The following ZBTB7B variants were observed in gnomAD, a reference collection of about 807,000 sequenced individuals.
The protein encoded by ZBTB7B is zinc finger and BTB domain containing 7B.
A neutral mutation model predicts 31.0 loss-of-function variants in ZBTB7B; 8 were observed. The observed-to-expected ratio is 0.26, with a 90% confidence interval of 0.15 to 0.47. The LOEUF is 0.47. ZBTB7B is among the 20% of genes least tolerant of loss of function. ZBTB7B has a pLI of 0.99. For synonymous variants in ZBTB7B, 261 were observed against 307.3 expected (o/e 0.85, Z 1.58); for missense variants, 494 against 742.4 (o/e 0.67, Z 3.89).
At chr1:155,009,172 C>T (rs542548004) in intron 1 of ZBTB7B, among the ~76,000 whole-genome samples, 120 of 152,070 alleles carry the variant, frequency 7.9e-4, no homozygotes, top group South Asian at 1.5e-3. Flanking sequence ...TAAGGGGACC[C>T]GAGCAGATCA....
rs761383565 is a variant in ZBTB7B, at chr1:155,014,701, C to T, written c.41C>T (p.Pro14Leu). The T allele has an allele frequency of 3.7e-6, 6 of 1,613,886 alleles. No individual in the cohort carries two copies. Among genetic ancestry groups the T allele is most frequent in the Admixed American group, 1.7e-5 (1 of 59,982 alleles). ...GATGACCTGATTGGGATTCCATTCC[C>T]GGACCACAGCAGTGAGCTCCTGAGC... ...PEDDLIGIPF[P>L]DHSSELLSCL... The change falls in exon 2 of 3, where the codon CCG becomes CTG. Residue 14 changes from proline to leucine, a missense_variant. This residue lies in a region of ZBTB7B where 26 missense variants were observed against 80.4 expected (regional missense o/e 0.32). Transcript: ENST00000535420.
upstream of ZBTB7B, among the ~76,000 whole-genome samples, chr1:155,001,938 C>T (rs1323464577): frequency 1.3e-5 from 2 of 151,696 alleles, no homozygotes; most frequent in African/African-American, 4.8e-5. This position sits in a 1 kb window ranked among gnomAD's most constrained non-coding sequence, Gnocchi z 4.8. Context: ...TGATTACAGC[C>T]CCTCACGGGA....
chr1:155,002,597 G>A (rs1298898971), upstream of ZBTB7B: 1 of 92,638 alleles, frequency 1.1e-5, no homozygotes, highest in Non-Finnish European at 2.3e-5. Context: ...AGTGTTGGGG[G>A]GGGGGAGTTT....
At position 155,011,455 on chromosome 1, in the gene ZBTB7B, C is replaced by T. The variant is rs573088174; in HGVS notation, c.-6-3200C>T. ...ACTTTCTCACCCTGAAGTCTTCCCC[C>T]AACCAAGGACAGGGCAGGCTTGACT... On this transcript the variant is annotated intron_variant, in intron 1 of 2. Coordinates refer to ENST00000535420, the MANE Select transcript of ZBTB7B (RefSeq NM_001256455.2). 3.6e-4 allele frequency among the ~76,000 whole-genome samples: 55 copies of T among 152,370 alleles called. 1 individual carries two copies. Among genetic ancestry groups the T allele is most frequent in the Admixed American group, 1.1e-3 (17 of 15,314 alleles).
At position 155,018,358 on chromosome 1, in the gene ZBTB7B, C is replaced by T. The variant is rs990745792; in HGVS notation, c.*1673C>T. 15 of 629,136 alleles carry T rather than the reference C, an allele frequency of 2.4e-5. 1 individual carries two copies. The African/African-American group carries it at 2.8e-4, about 12-fold the overall frequency. The allele number at this position is 629,136 out of a possible 1,614,324, so 39.0% of individuals were successfully genotyped here. On this transcript the variant is annotated 3_prime_UTR_variant, in exon 3 of 3. Transcript: ENST00000535420. ...AGGGCTGGGGAGACCTGGGGCCCAG[C>T]CCCAGAAAGTGGGGACAATGTGGCC...
Position 155,003,898 on chromosome 1 carries a change from G to A in ZBTB7B, c.-7+955G>A, listed in dbSNP as rs191982780. ...GTCCCGGCCAGAGCGAGGTGGGGGC[G>A]GGAGTGGGGGGGCGGCGTGGGCAGC... On this transcript the variant is annotated intron_variant, in intron 1 of 2. Coordinates refer to ENST00000535420, the MANE Select transcript of ZBTB7B (RefSeq NM_001256455.2). The surrounding 1 kb of genome is among the most constrained non-coding windows in gnomAD (Gnocchi z 5.8). Among the ~76,000 whole-genome samples, 425 of 152,332 alleles carry A rather than the reference G, an allele frequency of 2.8e-3. No individual in the cohort carries two copies. The highest frequency in any genetic ancestry group is 4.6e-3 in the Non-Finnish European group (310 of 68,016).
Position 155,015,512 on chromosome 1 carries a change from T to C in ZBTB7B, c.852T>C (p.Tyr284=). The change falls in exon 2 of 3, where the codon TAT becomes TAC. Residue 284 remains tyrosine, a synonymous_variant. Transcript: ENST00000535420. Reference sequence around the variant, plus strand: ...AGGAAGAAGAAGAGGAGCTGGTATATCCCCCAGCCTATGGGCTGGCGCAGG... The same window carrying C: ...AGGAAGAAGAAGAGGAGCTGGTATACCCCCCAGCCTATGGGCTGGCGCAGG... ...EGEEEEEELV[Y]PPAYGLAQGG... is the part of the protein sequence containing the mutation. 1 of 1,613,724 alleles carries C rather than the reference T, an allele frequency of 6.2e-7. No homozygotes were observed. Among genetic ancestry groups the C allele is most frequent in the Non-Finnish European group, 8.5e-7 (1 of 1,179,836 alleles).
At chr1:155,005,158 C>T (rs1658483933) in intron 1 of ZBTB7B, among the ~76,000 whole-genome samples, 1 of 151,754 alleles carries the variant, frequency 6.6e-6, no homozygotes, top group Non-Finnish European at 1.5e-5. Flanking sequence ...CCATCAGGCC[C>T]TTTGTGTGCC....
chr1:155,014,723 G>A lies in ZBTB7B; in HGVS notation c.63G>A (p.Leu21=). ...TCCCGGACCACAGCAGTGAGCTCCTGAGCTGCCTCAATGAGCAGCGCCAGC... is the reference window on the plus strand; with the variant it reads ...TCCCGGACCACAGCAGTGAGCTCCTAAGCTGCCTCAATGAGCAGCGCCAGC... ...IPFPDHSSEL[L]SCLNEQRQLG... The change falls in exon 2 of 3, where the codon CTG becomes CTA. Residue 21 remains leucine, a synonymous_variant. Coordinates refer to ENST00000535420, the MANE Select transcript of ZBTB7B (RefSeq NM_001256455.2). 2.5e-6 allele frequency: 4 copies of A among 1,614,202 alleles called. No individual in the cohort carries two copies. The highest frequency in any genetic ancestry group is 3.4e-6 in the Non-Finnish European group (4 of 1,180,032).
rs1321435118 is a variant in ZBTB7B, at chr1:155,003,813, G to A, written c.-7+870G>A. Among the ~76,000 whole-genome samples the A allele has an allele frequency of 2.0e-5, 3 of 152,188 alleles. No individual in the cohort carries two copies. The highest frequency in any genetic ancestry group is 4.4e-5 in the Non-Finnish European group (3 of 68,016). Reference sequence around the variant, plus strand: ...GCCATTCAAAGGGGTGGGGGGCGCTGCTTTCAATTTCCAGCTTTCTCTCCC... The same window carrying A: ...GCCATTCAAAGGGGTGGGGGGCGCTACTTTCAATTTCCAGCTTTCTCTCCC... On this transcript the variant is annotated intron_variant, in intron 1 of 2. Coordinates refer to ENST00000535420, the MANE Select transcript of ZBTB7B (RefSeq NM_001256455.2). The surrounding 1 kb of genome is among the most constrained non-coding windows in gnomAD (Gnocchi z 5.8).
chr1:155,008,218 G>C (rs1658685790), intron 1 of ZBTB7B, among the ~76,000 whole-genome samples: 1 of 152,174 alleles, frequency 6.6e-6, no homozygotes, highest in Non-Finnish European at 1.5e-5. Context: ...TGGCTATTGG[G>C]GGCTGGCATG....
rs772138285 is a variant in ZBTB7B, at chr1:155,015,547, C to T, written c.887C>T (p.Pro296Leu). 5.6e-6 allele frequency: 9 copies of T among 1,613,718 alleles called. No individual in the cohort carries two copies. The East Asian group carries it at 1.8e-4, about 32-fold the overall frequency. The change falls in exon 2 of 3, where the codon CCC becomes CTC. Residue 296 changes from proline to leucine, a missense_variant. By Grantham distance (98) the Pro-to-Leu change is moderately conservative. Around this residue, in one of 5 missense-constraint regions of ZBTB7B, gnomAD observed 216 missense variants for 229.3 expected, o/e 0.94. Transcript: ENST00000535420. ...PAYGLAQGGG[P>L]PLSPEELGSD... ...TATGGGCTGGCGCAGGGTGGCGGGC[C>T]CCCGCTGTCCCCAGAGGAGCTGGGC... is the stretch of plus-strand genomic sequence containing the variant.
intron 1 of ZBTB7B, among the ~76,000 whole-genome samples, chr1:155,007,100 G>A (rs1304328211): frequency 6.6e-6 from 1 of 152,238 alleles, no homozygotes; most frequent in Non-Finnish European, 1.5e-5. Context: ...ACTGGGATGG[G>A]TTGGAATGTG....
At chr1:155,005,106 A>T (rs752156179) in intron 1 of ZBTB7B, among the ~76,000 whole-genome samples, 234 of 151,972 alleles carry the variant, frequency 1.5e-3, no homozygotes, top group Non-Finnish European at 1.6e-3. Flanking sequence ...GTGCCTGCCC[A>T]GGGAGGGTGC....
chr1:155,017,057 C>T lies in ZBTB7B; in HGVS notation c.*372C>T, dbSNP rs577951845. The T allele has an allele frequency of 1.4e-4, 27 of 199,940 alleles. No homozygotes were observed. The East Asian group carries it at 2.7e-3, about 20-fold the overall frequency. The allele number at this position is 199,940 out of a possible 1,614,324, so 12.4% of individuals were successfully genotyped here. On this transcript the variant is annotated 3_prime_UTR_variant, in exon 3 of 3. Coordinates refer to ENST00000535420, the MANE Select transcript of ZBTB7B (RefSeq NM_001256455.2). ...TGGGGGCTTGGGACCAAAGCCTTGC[C>T]CCGCCCCTATGCCCCTTGGGGGTTT...
chr1:155,016,170 AG>A lies in ZBTB7B; in HGVS notation c.1155-47del. ...CAGGGTGGGATGACCAGGAGGAGCC[AG>A]GGATCCCATCCTGAACACCTCCCTG... On this transcript the variant is annotated intron_variant, in intron 2 of 2. Transcript: ENST00000535420. This position sits in a 1 kb window ranked among gnomAD's most constrained non-coding sequence, Gnocchi z 4.3. 1 of 1,555,526 alleles carries A rather than the reference AG, an allele frequency of 6.4e-7. No homozygotes were observed. The highest frequency in any genetic ancestry group is 8.8e-7 in the Non-Finnish European group (1 of 1,137,078).
At chr1:155,007,584 T>C (rs1044707624) in intron 1 of ZBTB7B, among the ~76,000 whole-genome samples, 2 of 152,128 alleles carry the variant, frequency 1.3e-5, no homozygotes, top group African/African-American at 4.8e-5. Context: ...CCCTGACCAG[T>C]GTGCTACCTC....
chr1:155,013,769 T>C (rs1659163327), intron 1 of ZBTB7B, among the ~76,000 whole-genome samples: 1 of 150,500 alleles, frequency 6.6e-6, no homozygotes, highest in Non-Finnish European at 1.5e-5. Context: ...GGGCGATGCT[T>C]ATCTGTGCGG....
In ZBTB7B at chr1:155,006,736, G is replaced by A. The variant is rs182755640; in HGVS notation, c.-7+3793G>A. 1.3e-3 allele frequency among the ~76,000 whole-genome samples: 190 copies of A among 151,700 alleles called. 1 individual carries two copies. The highest frequency in any genetic ancestry group is 5.2e-4 in the Non-Finnish European group (35 of 67,902). On this transcript the variant is annotated intron_variant, in intron 1 of 2. Transcript: ENST00000535420. ...CTTCAGTTTCCTTCCTGTTTCCACC[G>A]TCCCCCCAACTCCTCCCCACCCATA...
Sources: gnomAD v4.1 joint callset for allele counts (sites outside exome capture counted in the v4.1 genomes callset) on GRCh38, gnomAD v4.1.1 for gene constraint, gnomAD v4.1.1 regional missense constraint, Gnocchi (gnomAD v3.1) non-coding constraint, MANE v1.5 for transcripts, NCBI Gene and HGNC (gene_info 2026-07-23, HGNC 2026-07-21) for gene names.